EP400: variants seen among roughly 807,000 people sequenced by gnomAD.
The protein encoded by EP400 is E1A binding protein p400, also known as E1A-binding protein p400.
A neutral mutation model predicts 354.1 loss-of-function variants in EP400; 105 were observed. The ratio of observed to expected loss-of-function variants is 0.30; its 90% CI spans 0.25 to 0.35. The LOEUF (loss-of-function observed/expected upper bound fraction) is 0.35, where lower values mean the gene tolerates loss of function less well. Ranked by LOEUF, EP400 falls within the 10% of genes least tolerant of loss-of-function variation. The pLI is 1.00. For synonymous variants in EP400, 1,646 were observed against 1,716.9 expected (o/e 0.96, Z 1.02); for missense variants, 3,280 against 4,121.0 (o/e 0.80, Z 5.59).
intron 1 of EP400, among the ~76,000 whole-genome samples, chr12:131,955,897 C>T (rs1438516188): frequency 6.6e-6 from 1 of 152,172 alleles, no homozygotes; most frequent in Non-Finnish European, 1.5e-5. Context: ...CCGCCCGCCT[C>T]GGCCTCCCAA....
chr12:132,038,146 G>C lies in EP400; in HGVS notation c.6207+50G>C. 6.2e-7 allele frequency: 1 copy of C among 1,607,674 alleles called. No individual in the cohort carries two copies. The highest frequency in any genetic ancestry group is 8.5e-7 in the Non-Finnish European group (1 of 1,176,130). On this transcript the variant is annotated intron_variant, in intron 32 of 52. Coordinates refer to ENST00000389561, the MANE Select transcript of EP400 (RefSeq NM_015409.5). The surrounding 1 kb of genome is among the most constrained non-coding windows in gnomAD (Gnocchi z 4.2). ...AAGAGTTGCACGGTGGGAGCCGGCGGAACACCTGCACCCTCCCCCAGGGTT... is the reference window on the plus strand; with the variant it reads ...AAGAGTTGCACGGTGGGAGCCGGCGCAACACCTGCACCCTCCCCCAGGGTT...
intron 2 of EP400, among the ~76,000 whole-genome samples, chr12:131,978,846 ATCTG>A (rs1315288846): frequency 2.0e-5 from 3 of 152,132 alleles, no homozygotes; most frequent in African/African-American, 7.2e-5. Context: ...TTTAAATAAC[ATCTG>A]TCTATTTATA....
chr12:132,027,999 C>T lies in EP400; in HGVS notation c.5110-18C>T. On this transcript the variant is annotated intron_variant, in intron 26 of 52. Coordinates refer to ENST00000389561, the MANE Select transcript of EP400 (RefSeq NM_015409.5). This position sits in a 1 kb window ranked among gnomAD's most constrained non-coding sequence, Gnocchi z 4.9. ...TTCTGTTTCTCAAGTAACTGTTTTT[C>T]ATCACTTTTTGATAAAGGAGGAAAA... 4 of 1,604,360 alleles carry T rather than the reference C, an allele frequency of 2.5e-6. No individual in the cohort carries two copies. Among genetic ancestry groups the T allele is most frequent in the Admixed American group, 1.7e-5 (1 of 59,464 alleles).
Position 132,038,263 on chromosome 12 carries a change from GA to G in EP400, c.6207+168del, listed in dbSNP as rs530244692. 3.4e-3 allele frequency among the ~76,000 whole-genome samples: 514 copies of G among 152,296 alleles called. 1 individual carries two copies. The highest frequency in any genetic ancestry group is 5.7e-3 in the Non-Finnish European group (391 of 68,010). On this transcript the variant is annotated intron_variant, in intron 32 of 52. Transcript: ENST00000389561. The surrounding 1 kb of genome is among the most constrained non-coding windows in gnomAD (Gnocchi z 4.2). Reference sequence around the variant, plus strand: ...CCCACTCCCTTCTTTCTGTCATGGGGATTTTGAACTGTAAATACAAGTGAGG... The same window carrying G: ...CCCACTCCCTTCTTTCTGTCATGGGGTTTTGAACTGTAAATACAAGTGAGG...
intron 12 of EP400, 72 bp downstream of exon 12, chr12:131,995,028 A>G: frequency 7.1e-7 from 1 of 1,412,170 alleles, no homozygotes; most frequent in Non-Finnish European, 1.0e-6. Flanking sequence ...GATGTGAATA[A>G]TAATATATTG....
At position 132,025,734 on chromosome 12, in the gene EP400, C is replaced by T. The variant is rs145159423; in HGVS notation, c.4944C>T (p.Gly1648=). 6.3e-5 allele frequency: 102 copies of T among 1,612,728 alleles called. 1 individual carries two copies. The highest frequency in any genetic ancestry group is 1.6e-4 in the Middle Eastern group (1 of 6,084). The change falls in exon 25 of 53, where the codon GGC becomes GGT. Residue 1648 remains glycine, a synonymous_variant. Coordinates refer to ENST00000389561, the MANE Select transcript of EP400 (RefSeq NM_015409.5). This position sits in a 1 kb window ranked among gnomAD's most constrained non-coding sequence, Gnocchi z 4.1. ...TGATGCAGACCGTGTCTCAGGCGGGCGCTGTGCACGGCGCCCTGGGAAGCA... is the reference window on the plus strand; with the variant it reads ...TGATGCAGACCGTGTCTCAGGCGGGTGCTGTGCACGGCGCCCTGGGAAGCA... ...PVVMQTVSQA[G]AVHGALGSKP...
At position 131,994,829 on chromosome 12, in the gene EP400, T is replaced by C; in HGVS notation, c.2738-38T>C. On this transcript the variant is annotated intron_variant, in intron 11 of 52. Transcript: ENST00000389561. This position sits in a 1 kb window ranked among gnomAD's most constrained non-coding sequence, Gnocchi z 4.6. ...TAATGAGTAACAGACACTCAAGTGG[T>C]GTTGCCTCTCAGTGACACTTGCTGA... is the stretch of plus-strand genomic sequence containing the variant. 1 of 1,566,104 alleles carries C rather than the reference T, an allele frequency of 6.4e-7. No homozygotes were observed. The highest frequency in any genetic ancestry group is 8.8e-7 in the Non-Finnish European group (1 of 1,137,090).
At chr12:131,997,066 G>GA (rs370667803) in intron 12 of EP400, among the ~76,000 whole-genome samples, 24 of 151,090 alleles carry the variant, frequency 1.6e-4, no homozygotes, top group East Asian at 9.7e-4. Flanking sequence ...TAGCCATGAG[G>GA]AAAAAAAAAT....
intron 32 of EP400, among the ~76,000 whole-genome samples, chr12:132,039,747 G>A (rs915932675): frequency 6.6e-6 from 1 of 152,238 alleles, no homozygotes; most frequent in Non-Finnish European, 1.5e-5. Context: ...CAACACAAAA[G>A]CGTAGCTGGG....
chr12:132,001,131 CAA>C (rs1012381087), intron 12 of EP400, among the ~76,000 whole-genome samples: 14 of 152,090 alleles, frequency 9.2e-5, no homozygotes, highest in Admixed American at 3.9e-4. Flanking sequence ...AGACACGAGA[CAA>C]AGAGATAAAA....
chr12:132,041,369 G>A (rs751211856), intron 32 of EP400, among the ~76,000 whole-genome samples: 7 of 152,250 alleles, frequency 4.6e-5, no homozygotes, highest in Non-Finnish European at 8.8e-5. Flanking sequence ...ATCTGGTGGA[G>A]GAGGAGGATG....
In EP400 at chr12:131,960,663, A is replaced by G; in HGVS notation, c.44A>G (p.Gln15Arg). ...CCCCAGAACGTCCAGCATCAGCTGC[A>G]GAGGTCCAGGGCCTGCCCTGGCAGC... The part of the protein sequence containing the change: ...TGPQNVQHQL[Q>R]RSRACPGSEG... Residue 15 changes from glutamine (Q) to arginine (R), a missense_variant, in exon 2 of 53, where the codon CAG (glutamine) becomes CGG (arginine). Coordinates refer to ENST00000389561, the MANE Select transcript of EP400 (RefSeq NM_015409.5). 6.3e-7 allele frequency: 1 copy of G among 1,589,120 alleles called. No homozygotes were observed.
chr12:132,058,418 G>A (rs1020167250), intron 45 of EP400, among the ~76,000 whole-genome samples: 4 of 149,882 alleles, frequency 2.7e-5, no homozygotes, highest in Non-Finnish European at 5.9e-5. Context: ...GCAGTGGTGC[G>A]ATCTCGGCTC....
chr12:132,053,328 T>C lies in EP400; in HGVS notation c.7474-15T>C. 1 of 1,591,048 alleles carries C rather than the reference T, an allele frequency of 6.3e-7. No homozygotes were observed. The highest frequency in any genetic ancestry group is 1.1e-5 in the South Asian group (1 of 89,404). On this transcript the variant is annotated splice_polypyrimidine_tract_variant and intron_variant, in intron 42 of 52. Transcript: ENST00000389561. Reference sequence around the variant, plus strand: ...CTGCCCCTCCAGTGGCTCCTCTTCCTTCCTGGCCCCTCAGGCTCTGGCTGA... The same window carrying C: ...CTGCCCCTCCAGTGGCTCCTCTTCCCTCCTGGCCCCTCAGGCTCTGGCTGA...
chr12:131,992,473 G>A (rs1893073503), intron 11 of EP400, among the ~76,000 whole-genome samples: 1 of 152,212 alleles, frequency 6.6e-6, no homozygotes, highest in African/African-American at 2.4e-5. Context: ...GTGCATCTTG[G>A]AGAGTGTTGG....
At chr12:131,952,246 T>C (rs949904594) in intron 1 of EP400, among the ~76,000 whole-genome samples, 5 of 130,982 alleles carry the variant, frequency 3.8e-5, no homozygotes, top group Non-Finnish European at 7.7e-5. Context: ...GAGCTTGCAG[T>C]GAGCGGAGAT....
rs569328340 is a variant in EP400 at position 131,995,142 on chromosome 12, C to T, written c.2827+186C>T. On this transcript the variant is annotated intron_variant, in intron 12 of 52. Coordinates refer to ENST00000389561, the MANE Select transcript of EP400 (RefSeq NM_015409.5). Reference sequence around the variant, plus strand: ...GTCCTGGCCCTCCTGGGTTGTGTGTCGGACACTGCCCTGACTGTCTTTCTT... The same window carrying T: ...GTCCTGGCCCTCCTGGGTTGTGTGTTGGACACTGCCCTGACTGTCTTTCTT... 22 of 532,918 alleles carry T rather than the reference C, an allele frequency of 4.1e-5. No homozygotes were observed. In the East Asian group the frequency reaches 4.4e-4, roughly 11 times the overall value. The allele number at this position is 532,918 out of a possible 1,614,324, so 33.0% of individuals were successfully genotyped here. A position where few individuals can be genotyped will look rare whatever the true frequency, so the allele number is the denominator to read the frequency against.
chr12:132,020,307 G>A (rs981081633), intron 22 of EP400, 89 bp downstream of exon 22: 5 of 1,440,702 alleles, frequency 3.5e-6, no homozygotes, highest in African/African-American at 1.4e-5. Flanking sequence ...CTCTGGATGC[G>A]GTAATTGTCC....
chr12:131,992,094 C>T, intron 10 of EP400, 79 bp from the exon 11 acceptor site: 1 of 1,509,156 alleles, frequency 6.6e-7, no homozygotes, highest in Non-Finnish European at 9.1e-7. Flanking sequence ...CCCAACCTGT[C>T]CCATGGACAC....
Sources: gnomAD v4.1 joint callset for allele counts (sites outside exome capture counted in the v4.1 genomes callset) on GRCh38, gnomAD v4.1.1 for gene constraint, Gnocchi (gnomAD v3.1) non-coding constraint, MANE v1.5 for transcripts, NCBI Gene and HGNC (gene_info 2026-07-23, HGNC 2026-07-21) for gene names.